ABTB2: variants seen among roughly 807,000 people sequenced by gnomAD.
ABTB2 encodes ankyrin repeat and BTB/POZ domain-containing protein 2.
In ABTB2, 56 loss-of-function variants were observed where a neutral mutation model predicts 104.1. The ratio of observed to expected loss-of-function variants is 0.54; its 90% confidence interval spans 0.43 to 0.67. The LOEUF is 0.67. Among genes scored for constraint, ABTB2 ranks in the 30% least tolerant of loss-of-function variants. ABTB2 has a pLI of 0.00. For missense variants in ABTB2, 1,279 were observed against 1,407.7 expected, an observed-to-expected ratio of 0.91 and a Z score of 1.46; for synonymous variants, 606 against 608.2, an observed-to-expected ratio of 1.00 and a Z score of 0.05.
At chr11:34,196,470 C>T (rs896596107) in intron 3 of ABTB2, among the ~76,000 whole-genome samples, 4 of 152,276 alleles carry the variant, frequency 2.6e-5, no homozygotes, top group Non-Finnish European at 2.9e-5. Flanking sequence ...AGGAGAATGG[C>T]GTGAACCTTG....
chr11:34,211,654 G>T (rs1853481626), intron 1 of ABTB2, among the ~76,000 whole-genome samples: 1 of 152,048 alleles, frequency 6.6e-6, no homozygotes, highest in African/African-American at 2.4e-5. Context: ...AGCACTTTGG[G>T]AGGCCAAGGC....
chr11:34,154,674 GC>G lies in ABTB2; in HGVS notation c.2766+26del. 6.2e-7 allele frequency: 1 copy of G among 1,612,412 alleles called. No individual in the cohort carries two copies. Among genetic ancestry groups the G allele is most frequent in the Non-Finnish European group, 8.5e-7 (1 of 1,178,756 alleles). The stretch of plus-strand genomic sequence containing the variant: ...CGAGCCGCTGGGCACCCTAGCCCAG[GC>G]CCCCTCCCCCTCTCCCGAGTCTCAC... On this transcript the variant is annotated intron_variant, in intron 15 of 16. Coordinates refer to ENST00000435224, the MANE Select transcript of ABTB2 (RefSeq NM_145804.3). The surrounding 1 kb of genome is among the most constrained non-coding windows in gnomAD (Gnocchi z 4.9).
At chr11:34,201,304 T>C (rs1853333644) in intron 2 of ABTB2, among the ~76,000 whole-genome samples, 1 of 152,110 alleles carries the variant, frequency 6.6e-6, no homozygotes, top group South Asian at 2.1e-4. Flanking sequence ...TTAGAGGTGC[T>C]AGGTTTCACT....
At chr11:34,308,880 A>AAAAAAAAAAAAAAG (rs1260837172) in intron 1 of ABTB2, among the ~76,000 whole-genome samples, 1 of 151,068 alleles carries the variant, frequency 6.6e-6, no homozygotes, top group African/African-American at 2.4e-5. Context: ...AAAAAAAAAA[A>AAAAAAAAAAAAAAG]AAAAAAAGAA....
chr11:34,261,537 G>C (rs184644254), intron 1 of ABTB2, among the ~76,000 whole-genome samples: 56 of 151,784 alleles, frequency 3.7e-4, no homozygotes, highest in East Asian at 1.7e-3. Flanking sequence ...AGGAAACAAG[G>C]GGGTGATAAC....
intron 14 of ABTB2, among the ~76,000 whole-genome samples, chr11:34,155,364 C>G (rs967061576): frequency 6.6e-6 from 1 of 152,334 alleles, no homozygotes; most frequent in African/African-American, 2.4e-5. Context: ...CCCGGAGGCC[C>G]GGAGGCCCGG....
intron 14 of ABTB2, among the ~76,000 whole-genome samples, chr11:34,158,684 G>A (rs1424978912): frequency 6.6e-6 from 1 of 152,218 alleles, no homozygotes; most frequent in Non-Finnish European, 1.5e-5. Flanking sequence ...GTCTTCCTCT[G>A]GACCTTGTCT....
At chr11:34,299,490 T>C (rs930278119) in intron 1 of ABTB2, among the ~76,000 whole-genome samples, 4 of 152,156 alleles carry the variant, frequency 2.6e-5, no homozygotes, top group Admixed American at 2.6e-4. Flanking sequence ...CAGAAAACAA[T>C]GAAGGCAGTT....
intron 2 of ABTB2, among the ~76,000 whole-genome samples, chr11:34,197,837 T>G (rs1853282089): frequency 6.6e-6 from 1 of 152,152 alleles, no homozygotes; most frequent in South Asian, 2.1e-4. Flanking sequence ...TCCACCACCC[T>G]CATGGGCCTC....
At chr11:34,267,244 G>T (rs935903486) in intron 1 of ABTB2, among the ~76,000 whole-genome samples, 4 of 152,210 alleles carry the variant, frequency 2.6e-5, no homozygotes, top group African/African-American at 9.7e-5. Flanking sequence ...AGAAGAGCAA[G>T]CCAATGCTGG....
At chr11:34,315,763 A>G (rs1479089790) in intron 1 of ABTB2, among the ~76,000 whole-genome samples, 1 of 152,176 alleles carries the variant, frequency 6.6e-6, no homozygotes, top group Middle Eastern at 3.4e-3. Flanking sequence ...CCCTTTTCCT[A>G]TCAGAAATGA....
chr11:34,252,809 G>A lies in ABTB2; in HGVS notation c.884-48119C>T, dbSNP rs1183354848. On this transcript the variant is annotated intron_variant, in intron 1 of 16. Transcript: ENST00000435224. The surrounding 1 kb of genome is among the most constrained non-coding windows in gnomAD (Gnocchi z 5.5). The stretch of plus-strand genomic sequence containing the variant: ...CCAGGGCCAACTGGACTCCCAGCTG[G>A]GCCAGAGGAGGCTGGGGGACCTCCT... Among the ~76,000 whole-genome samples, 4 of 151,922 alleles carry A rather than the reference G, an allele frequency of 2.6e-5. No homozygotes were observed. Among genetic ancestry groups the A allele is most frequent in the African/African-American group, 9.7e-5 (4 of 41,372 alleles).
At chr11:34,313,407 C>T (rs1418389821) in intron 1 of ABTB2, among the ~76,000 whole-genome samples, 6 of 152,188 alleles carry the variant, frequency 3.9e-5, no homozygotes, top group African/African-American at 1.4e-4. Context: ...TTACAAGCCA[C>T]CTGGCTGAGA....
chr11:34,195,085 G>GGGGGGGGGGGGGGC, intron 3 of ABTB2, among the ~76,000 whole-genome samples: 1 of 77,600 alleles, frequency 1.3e-5, no homozygotes, highest in Non-Finnish European at 3.1e-5. Context: ...CGGGGGGGGG[G>GGGGGGGGGGGGGGC]AGTGGGGGCG....
At chr11:34,309,176 GT>G (rs1854819936) in intron 1 of ABTB2, among the ~76,000 whole-genome samples, 2 of 152,164 alleles carry the variant, frequency 1.3e-5, no homozygotes, top group African/African-American at 2.4e-5. Flanking sequence ...ATGGACGTGT[GT>G]TTTTTTGCCA....
At position 34,172,563 on chromosome 11, in the gene ABTB2, C is replaced by T. The variant is rs1852898332; in HGVS notation, c.1397+592G>A. Among the ~76,000 whole-genome samples, 3 of 151,640 alleles carry T rather than the reference C, an allele frequency of 2.0e-5. No individual in the cohort carries two copies. The South Asian group carries it at 6.3e-4, about 32-fold the overall frequency. ...CAGCAAACAAGTCTACTGTGAGAGG[C>T]ATTTAGGGAAGGAAATTAGGAGCAC... On this transcript the variant is annotated intron_variant, in intron 4 of 16. Coordinates refer to ENST00000435224, the MANE Select transcript of ABTB2 (RefSeq NM_145804.3).
intron 2 of ABTB2, 101 bp downstream of exon 2, chr11:34,204,443 G>T: frequency 7.1e-7 from 1 of 1,415,310 alleles, no homozygotes; most frequent in Non-Finnish European, 9.4e-7. Context: ...GAGGAGGCCA[G>T]AGCACTTGGA....
At chr11:34,256,482 G>T (rs1854124397) in intron 1 of ABTB2, among the ~76,000 whole-genome samples, 1 of 152,208 alleles carries the variant, frequency 6.6e-6, no homozygotes, top group Non-Finnish European at 1.5e-5. Flanking sequence ...CATCATTTGT[G>T]GATCCGTGCT....
At chr11:34,343,454 GACAGAC>G (rs1855288081) in intron 1 of ABTB2, among the ~76,000 whole-genome samples, 1 of 92,782 alleles carries the variant, frequency 1.1e-5, no homozygotes, top group African/African-American at 7.9e-5. Flanking sequence ...AAGACAGACA[GACAGAC>G]ACACACACAC....
Sources: allele counts gnomAD v4.1 joint callset (sites outside exome capture counted in the v4.1 genomes callset), GRCh38; gene constraint gnomAD v4.1.1; non-coding constraint Gnocchi (gnomAD v3.1); transcripts MANE v1.5; gene names NCBI Gene and HGNC (gene_info 2026-07-23, HGNC 2026-07-21).